KCNMA1: variants seen among roughly 807,000 people sequenced by gnomAD.
KCNMA1 encodes potassium calcium-activated channel subfamily M alpha 1.
Under a neutral mutation model 140.0 loss-of-function variants are expected in KCNMA1, and 29 were observed. The observed-to-expected ratio is 0.21, with a 90% CI of 0.15 to 0.28. The LOEUF (loss-of-function observed/expected upper bound fraction) is 0.28, where lower values mean the gene tolerates loss of function less well. KCNMA1 is among the 10% of genes least tolerant of loss of function. The probability of loss-of-function intolerance (pLI) is 1.00; values close to 1 mark genes in which losing one functional copy is unlikely to be tolerated. For missense variants in KCNMA1, 880 were observed against 1,602.2 expected (o/e 0.55, Z 7.70); for synonymous variants, 612 against 611.9 (o/e 1.00, Z 0.00).
intron 1 of KCNMA1, among the ~76,000 whole-genome samples, chr10:77,418,337 C>T (rs983560182): frequency 3.3e-5 from 5 of 152,162 alleles, no homozygotes; most frequent in African/African-American, 7.2e-5. Context: ...CAACCCTGGA[C>T]GTCGAGAGAG....
chr10:77,453,582 G>T (rs1215088452), intron 1 of KCNMA1, among the ~76,000 whole-genome samples: 4 of 152,090 alleles, frequency 2.6e-5, no homozygotes, highest in African/African-American at 7.2e-5. Context: ...CCTGTCTGGA[G>T]AGAGCGTCCA....
At chr10:77,518,592 C>T (rs1415379087) in intron 1 of KCNMA1, among the ~76,000 whole-genome samples, 5 of 152,208 alleles carry the variant, frequency 3.3e-5, no homozygotes, top group African/African-American at 1.2e-4. Flanking sequence ...AGCCCACAGG[C>T]TGCCTGCCCA....
intron 2 of KCNMA1, among the ~76,000 whole-genome samples, chr10:77,276,236 A>G (rs933190546): frequency 5.3e-5 from 8 of 152,204 alleles, no homozygotes; most frequent in Admixed American, 2.6e-4. Context: ...TCCTTCGTCT[A>G]CCTTCTAGCA....
At chr10:77,402,700 C>T (rs2154463423) in intron 2 of KCNMA1, among the ~76,000 whole-genome samples, 1 of 152,322 alleles carries the variant, frequency 6.6e-6, no homozygotes, top group South Asian at 2.1e-4. Context: ...CTCCCTCCAT[C>T]TACAGTCACC....
In KCNMA1 at chr10:76,987,441, T is replaced by C. The variant is rs192206521; in HGVS notation, c.2266+13966A>G. Among the ~76,000 whole-genome samples, 78 of 152,302 alleles carry C rather than the reference T, an allele frequency of 5.1e-4. 1 individual carries two copies. The highest frequency in any genetic ancestry group is 1.8e-3 in the African/African-American group (75 of 41,582). On this transcript the variant is annotated intron_variant, in intron 19 of 27. Coordinates refer to ENST00000286628, the MANE Select transcript of KCNMA1 (RefSeq NM_001161352.2). ...CCAACTTTTTCCCTAAAAGGCCAGATAGTAAATATTTTGAGCTTTCTGGGC... is the reference window on the plus strand; with the variant it reads ...CCAACTTTTTCCCTAAAAGGCCAGACAGTAAATATTTTGAGCTTTCTGGGC...
At chr10:77,564,393 T>C (rs1342499290) in intron 1 of KCNMA1, among the ~76,000 whole-genome samples, 1 of 151,940 alleles carries the variant, frequency 6.6e-6, no homozygotes, top group African/African-American at 2.4e-5. Flanking sequence ...GGCAATATGG[T>C]GAAACCCCAT....
At chr10:77,481,821 G>C (rs1309953946) in intron 1 of KCNMA1, among the ~76,000 whole-genome samples, 1 of 127,528 alleles carries the variant, frequency 7.8e-6, no homozygotes, top group Non-Finnish European at 1.7e-5. Flanking sequence ...CAGGTACTAG[G>C]CTTTTGATAT....
At chr10:77,224,815 G>A (rs1751492474) in intron 3 of KCNMA1, among the ~76,000 whole-genome samples, 1 of 152,174 alleles carries the variant, frequency 6.6e-6, no homozygotes, top group African/African-American at 2.4e-5. Flanking sequence ...GATGATGACA[G>A]CACCCATCTC....
At chr10:77,012,666 G>T in intron 17 of KCNMA1, 3 of 867,030 alleles carry the variant, frequency 3.5e-6, no homozygotes, top group Non-Finnish European at 5.6e-6. Flanking sequence ...CAATTCCCAT[G>T]CTATCCAGCC....
chr10:77,254,664 T>C (rs1012736650), intron 2 of KCNMA1, among the ~76,000 whole-genome samples: 1 of 152,200 alleles, frequency 6.6e-6, no homozygotes, highest in Non-Finnish European at 1.5e-5. Context: ...TGGGTAAAGA[T>C]AGAAAAAGTA....
chr10:77,357,522 C>T (rs751179414), intron 2 of KCNMA1, among the ~76,000 whole-genome samples: 2 of 152,212 alleles, frequency 1.3e-5, no homozygotes, highest in Non-Finnish European at 2.9e-5. Flanking sequence ...TTTTATCTTC[C>T]TGTATTCCCC....
chr10:77,144,893 AT>A (rs1402378047), intron 5 of KCNMA1, among the ~76,000 whole-genome samples: 1 of 152,154 alleles, frequency 6.6e-6, no homozygotes, highest in African/African-American at 2.4e-5. Context: ...TCATTTCCTC[AT>A]CTCCGAAATA....
intron 1 of KCNMA1, among the ~76,000 whole-genome samples, chr10:77,562,197 C>T (rs2066614824): frequency 6.6e-6 from 1 of 152,220 alleles, no homozygotes; most frequent in Admixed American, 6.5e-5. Context: ...CCCCCAGCTG[C>T]TGTGCCACAC....
intron 2 of KCNMA1, among the ~76,000 whole-genome samples, chr10:77,256,921 T>C (rs577482975): frequency 1.1e-4 from 16 of 152,206 alleles, no homozygotes; most frequent in Non-Finnish European, 2.1e-4. Context: ...CTGGGCAACA[T>C]AGAGAGACCA....
At chr10:77,109,590 T>A (rs2097271819) in intron 8 of KCNMA1, among the ~76,000 whole-genome samples, 1 of 152,138 alleles carries the variant, frequency 6.6e-6, no homozygotes, top group Non-Finnish European at 1.5e-5. Context: ...AAATACCCCA[T>A]GTGTCCGCTG....
At chr10:77,081,602 C>G (rs756957511) in intron 12 of KCNMA1, among the ~76,000 whole-genome samples, 1 of 152,146 alleles carries the variant, frequency 6.6e-6, no homozygotes, top group Admixed American at 6.6e-5. Context: ...AAAGCTGCAA[C>G]GTACGAATTT....
intron 26 of KCNMA1, 92 bp downstream of exon 26, chr10:76,891,433 G>A (rs1214857448): frequency 3.1e-6 from 3 of 954,824 alleles, no homozygotes; most frequent in African/African-American, 3.2e-5. Flanking sequence ...AGAAAAGCCA[G>A]ATGCCTAGCT....
chr10:77,555,949 T>C (rs860990), intron 1 of KCNMA1, among the ~76,000 whole-genome samples: 41,966 of 152,104 alleles, frequency 0.28, 6,300 homozygotes, highest in African/African-American at 0.39. Flanking sequence ...TAGACAAACA[T>C]TGACACTCTA....
chr10:77,633,333 A>C (rs955512095), intron 1 of KCNMA1, among the ~76,000 whole-genome samples: 1 of 151,632 alleles, frequency 6.6e-6, no homozygotes, highest in African/African-American at 2.4e-5. Context: ...AAATTAATAA[A>C]AGGAGAGAGA....
Sources: gnomAD v4.1 joint callset for allele counts (sites outside exome capture counted in the v4.1 genomes callset) on GRCh38, gnomAD v4.1.1 for gene constraint, MANE v1.5 for transcripts, NCBI Gene and HGNC (gene_info 2026-07-23, HGNC 2026-07-21) for gene names.